Variants in CD28 observed in about 807,000 individuals in gnomAD.
CD28 encodes CD28 molecule.
In CD28, 8 loss-of-function variants were observed where a neutral mutation model predicts 21.4. The observed-to-expected ratio is 0.37, with a 90% CI of 0.22 to 0.68. The LOEUF (loss-of-function observed/expected upper bound fraction) is 0.68, where lower values mean the gene tolerates loss of function less well. Ranked by LOEUF, CD28 falls within the 30% of genes least tolerant of loss-of-function variation. The pLI, the probability that CD28 is intolerant of heterozygous loss-of-function variation, is 0.55. For missense variants in CD28, 239 were observed against 272.2 expected, an observed-to-expected ratio of 0.88 and a Z score of 0.86; for synonymous variants, 106 against 104.0, an observed-to-expected ratio of 1.02 and a Z score of -0.12.
chr2:203,738,536 T>A lies in CD28; in HGVS notation c.*3624T>A, dbSNP rs1694105123. On this transcript the variant is annotated 3_prime_UTR_variant, in exon 4 of 4. Coordinates refer to ENST00000324106, the MANE Select transcript of CD28 (RefSeq NM_006139.4). Reference sequence around the variant, plus strand: ...TCAGAAAGTCTCTCTTTCCTATAGATATATGCATACTTTCTGACATATAGG... The same window carrying A: ...TCAGAAAGTCTCTCTTTCCTATAGAAATATGCATACTTTCTGACATATAGG... The A allele has an allele frequency of 6.6e-6, 1 of 152,198 alleles. No homozygotes were observed. Among genetic ancestry groups the A allele is most frequent in the African/African-American group, 2.4e-5 (1 of 41,446 alleles). 9.4% of individuals were successfully genotyped at this position (152,198 alleles called of 1,614,324 possible). A position where few individuals can be genotyped will look rare whatever the true frequency, so the allele number is the denominator to read the frequency against.
At chr2:203,724,982 G>A (rs1446996031) in intron 1 of CD28, among the ~76,000 whole-genome samples, 1 of 152,076 alleles carries the variant, frequency 6.6e-6, no homozygotes, top group Non-Finnish European at 1.5e-5. Context: ...ACACAAAGTG[G>A]TTTGTTGTTT....
chr2:203,733,936 T>C (rs143510744), intron 3 of CD28, among the ~76,000 whole-genome samples: 284 of 152,352 alleles, frequency 1.9e-3, no homozygotes, highest in African/African-American at 6.4e-3. Context: ...CACTTATTTA[T>C]TCATTCAGGT....
Position 203,734,884 on chromosome 2 carries a change from C to T in CD28, c.635C>T (p.Pro212Leu). The change falls in exon 4 of 4, where the codon CCA (proline) becomes CTA (leucine). Residue 212 changes from proline (P) to leucine (L), a missense_variant. This residue lies in a region of CD28 where 112 missense variants were observed against 112.8 expected (regional missense o/e 0.99). Transcript: ENST00000324106. ...AAGCATTACCAGCCCTATGCCCCACCACGCGACTTCGCAGCCTATCGCTCC... is the reference window on the plus strand; with the variant it reads ...AAGCATTACCAGCCCTATGCCCCACTACGCGACTTCGCAGCCTATCGCTCC... ...TRKHYQPYAP[P>L]RDFAAYRS 6.2e-7 allele frequency: 1 copy of T among 1,614,218 alleles called. No homozygotes were observed. The highest frequency in any genetic ancestry group is 8.5e-7 in the Non-Finnish European group (1 of 1,180,040).
rs1377698595 is a variant in CD28, at chr2:203,735,308, A to C, written c.*396A>C. The C allele has an allele frequency of 5.3e-6, 1 of 187,078 alleles. No homozygotes were observed. The highest frequency in any genetic ancestry group is 1.7e-4 in the East Asian group (1 of 6,032). 11.6% of individuals were successfully genotyped at this position (187,078 alleles called of 1,614,324 possible). On this transcript the variant is annotated 3_prime_UTR_variant, in exon 4 of 4. Coordinates refer to ENST00000324106, the MANE Select transcript of CD28 (RefSeq NM_006139.4). Reference sequence around the variant, plus strand: ...TTAGTTGCAGAAGAAAGGCTAGGAAATCATTCCTTTTGGTTAAATGGGTGT... The same window carrying C: ...TTAGTTGCAGAAGAAAGGCTAGGAACTCATTCCTTTTGGTTAAATGGGTGT...
chr2:203,707,166 G>A (rs754542300), intron 1 of CD28, among the ~76,000 whole-genome samples: 12 of 151,778 alleles, frequency 7.9e-5, no homozygotes, highest in Admixed American at 6.6e-5. Flanking sequence ...TTTATGTATC[G>A]TTTCTTTCTT....
rs113922969 is a variant in CD28 at position 203,726,621 on chromosome 2, T to G, written c.53-12T>G. 1.2e-5 allele frequency: 19 copies of G among 1,584,776 alleles called. No individual in the cohort carries two copies. The highest frequency in any genetic ancestry group is 1.8e-5 in the Admixed American group (1 of 56,336). On this transcript the variant is annotated splice_polypyrimidine_tract_variant and intron_variant, in intron 1 of 3. Transcript: ENST00000324106. ...ATTCTTGTTCTAAGCAAATGATTTT[T>G]TTTTCCCCCAGGAAACAAGATTTTG...
chr2:203,737,024 C>T lies in CD28; in HGVS notation c.*2112C>T, dbSNP rs1370964320. The T allele has an allele frequency of 6.6e-6, 1 of 152,180 alleles. No homozygotes were observed. The highest frequency in any genetic ancestry group is 1.5e-5 in the Non-Finnish European group (1 of 68,036). The allele number at this position is 152,180 out of a possible 1,614,324, so 9.4% of individuals were successfully genotyped here. ...AAACCCACTACGCAGGGATGAGGTG[C>T]TATAATATGAGGACCTTTTAACTTC... On this transcript the variant is annotated 3_prime_UTR_variant, in exon 4 of 4. Transcript: ENST00000324106.
chr2:203,713,419 C>A (rs1294025018), intron 1 of CD28, among the ~76,000 whole-genome samples: 2 of 152,038 alleles, frequency 1.3e-5, no homozygotes, highest in African/African-American at 4.8e-5. Context: ...GGATGGTTAG[C>A]TAGTGAAGGA....
At position 203,726,839 on chromosome 2, in the gene CD28, G is replaced by A; in HGVS notation, c.259G>A (p.Asp87Asn). Residue 87 changes from aspartate (D) to asparagine (N), a missense_variant, in exon 2 of 4, where the codon GAT (aspartate) becomes AAT (asparagine). Transcript: ENST00000324106. The part of the protein sequence containing the change: ...QVYSKTGFNC[D>N]GKLGNESVTF... ...TTACTCAAAAACGGGGTTCAACTGT[G>A]ATGGGAAATTGGGCAATGAATCAGT... 6.2e-7 allele frequency: 1 copy of A among 1,614,174 alleles called. No homozygotes were observed. Among genetic ancestry groups the A allele is most frequent in the Non-Finnish European group, 8.5e-7 (1 of 1,180,032 alleles).
At position 203,736,758 on chromosome 2, in the gene CD28, A is replaced by C. The variant is rs2106128083; in HGVS notation, c.*1846A>C. The C allele has an allele frequency of 6.6e-6, 1 of 152,346 alleles. No homozygotes were observed. Among genetic ancestry groups the C allele is most frequent in the South Asian group, 2.1e-4 (1 of 4,824 alleles). 9.4% of individuals were successfully genotyped at this position (152,346 alleles called of 1,614,324 possible). On this transcript the variant is annotated 3_prime_UTR_variant, in exon 4 of 4. Coordinates refer to ENST00000324106, the MANE Select transcript of CD28 (RefSeq NM_006139.4). ...AATAGCCTCAGGCAAGTCACTGCCC[A>C]CCTAAGATGATGGTTCTTCAACTAT...
chr2:203,733,731 G>A (rs560198086), intron 3 of CD28, among the ~76,000 whole-genome samples: 1 of 152,198 alleles, frequency 6.6e-6, no homozygotes, highest in East Asian at 1.9e-4. Flanking sequence ...ACAAAAAGAA[G>A]AGAGTTATCA....
Position 203,735,016 on chromosome 2 carries a change from C to T in CD28, c.*104C>T, listed in dbSNP as rs1267350827. On this transcript the variant is annotated 3_prime_UTR_variant, in exon 4 of 4. Transcript: ENST00000324106. ...CCATCTCCAGCCGGCCACCTCAGGC[C>T]CCTGTTGGGCCACCAATGCCAATTT... The T allele has an allele frequency of 1.4e-5, 20 of 1,407,614 alleles. No homozygotes were observed. In the East Asian group the frequency reaches 4.6e-4, roughly 33 times the overall value. 87.2% of individuals were successfully genotyped at this position (1,407,614 alleles called of 1,614,324 possible). A position where few individuals can be genotyped will look rare whatever the true frequency, so the allele number is the denominator to read the frequency against.
chr2:203,709,704 T>C (rs192711919), intron 1 of CD28, among the ~76,000 whole-genome samples: 56 of 152,338 alleles, frequency 3.7e-4, no homozygotes, highest in African/African-American at 1.2e-3. Context: ...GGATTGATGA[T>C]AGAAGGATGG....
chr2:203,709,341 T>C (rs770782061), intron 1 of CD28, among the ~76,000 whole-genome samples: 150 of 152,302 alleles, frequency 9.8e-4, no homozygotes, highest in Non-Finnish European at 1.4e-3. Flanking sequence ...AGTTCTTTTT[T>C]CCATTAATTT....
rs1694053982 is a variant in CD28 at position 203,736,936 on chromosome 2, A to G, written c.*2024A>G. ...ATTGGTATTATTGCCATATAGATAA[A>G]TTATGTATAAAAATTAAACTGGGCA... On this transcript the variant is annotated 3_prime_UTR_variant, in exon 4 of 4. Transcript: ENST00000324106. The G allele has an allele frequency of 1.3e-5, 2 of 152,254 alleles. No homozygotes were observed. The highest frequency in any genetic ancestry group is 6.5e-5 in the Admixed American group (1 of 15,292). 9.4% of individuals were successfully genotyped at this position (152,254 alleles called of 1,614,324 possible).
chr2:203,734,970 G>A lies in CD28; in HGVS notation c.*58G>A, dbSNP rs1693993385. 1.9e-6 allele frequency: 3 copies of A among 1,582,554 alleles called. No individual in the cohort carries two copies. Among genetic ancestry groups the A allele is most frequent in the Non-Finnish European group, 2.6e-6 (3 of 1,163,122 alleles). The stretch of plus-strand genomic sequence containing the variant: ...CAGCCCCCATCTGCTCAATATCACT[G>A]CTCTGGATAGGAAATGACCGCCATC... On this transcript the variant is annotated 3_prime_UTR_variant, in exon 4 of 4. Coordinates refer to ENST00000324106, the MANE Select transcript of CD28 (RefSeq NM_006139.4).
chr2:203,706,621 C>T (rs780397871), upstream of CD28: 9 of 1,612,004 alleles, frequency 5.6e-6, no homozygotes, highest in South Asian at 1.1e-5. Flanking sequence ...TTGGCAGGTG[C>T]GTCTTTCAGT....
In CD28 at chr2:203,726,849, T is replaced by G; in HGVS notation, c.269T>G (p.Leu90Trp). Residue 90 changes from leucine to tryptophan, a missense_variant, in exon 2 of 4, where the codon TTG becomes TGG. By Grantham distance (61) the Leu-to-Trp change is moderately conservative. This residue lies in a region of CD28 where 104 missense variants were observed against 108.5 expected (regional missense o/e 0.96). Transcript: ENST00000324106. ...ACGGGGTTCAACTGTGATGGGAAAT[T>G]GGGCAATGAATCAGTGACATTCTAC... ...SKTGFNCDGK[L>W]GNESVTFYLQ... 1 of 1,614,130 alleles carries G rather than the reference T, an allele frequency of 6.2e-7. No individual in the cohort carries two copies. The highest frequency in any genetic ancestry group is 8.5e-7 in the Non-Finnish European group (1 of 1,179,988).
At chr2:203,717,967 T>A (rs557477067) in intron 1 of CD28, among the ~76,000 whole-genome samples, 73 of 152,338 alleles carry the variant, frequency 4.8e-4, no homozygotes, top group Non-Finnish European at 9.3e-4. Flanking sequence ...TGCATTATTA[T>A]CATTATTATT....
Sources: gnomAD v4.1 joint callset for allele counts (sites outside exome capture counted in the v4.1 genomes callset) on GRCh38, gnomAD v4.1.1 for gene constraint, gnomAD v4.1.1 regional missense constraint, MANE v1.5 for transcripts, NCBI Gene and HGNC (gene_info 2026-07-23, HGNC 2026-07-21) for gene names.